GGNBP2: variants seen among roughly 807,000 people sequenced by gnomAD.
GGNBP2 encodes gametogenetin-binding protein 2.
In GGNBP2, 10 loss-of-function variants were observed where a neutral mutation model predicts 85.9. The ratio of observed to expected loss-of-function variants is 0.12; its 90% CI spans 0.07 to 0.20. GGNBP2 has a LOEUF of 0.20. Ranked by LOEUF, GGNBP2 falls within the 10% of genes least tolerant of loss-of-function variation. The pLI is 1.00. For missense variants in GGNBP2, 595 were observed against 857.8 expected (o/e 0.69, Z 3.83); for synonymous variants, 287 against 285.7 (o/e 1.00, Z -0.05).
chr17:36,552,643 G>A (rs1395919448), intron 2 of GGNBP2, among the ~76,000 whole-genome samples: 1 of 152,170 alleles, frequency 6.6e-6, no homozygotes, highest in Non-Finnish European at 1.5e-5. Flanking sequence ...AAGATGTCAG[G>A]GTTGATAAAC....
chr17:36,572,194 G>A (rs1356804116), intron 6 of GGNBP2, among the ~76,000 whole-genome samples: 9 of 152,078 alleles, frequency 5.9e-5, no homozygotes, highest in East Asian at 1.9e-4. Context: ...AAACTACTAT[G>A]AGAGTATAAA....
At chr17:36,548,259 T>G (rs1464497314) in intron 2 of GGNBP2, among the ~76,000 whole-genome samples, 2 of 152,210 alleles carry the variant, frequency 1.3e-5, no homozygotes, top group Non-Finnish European at 2.9e-5. Flanking sequence ...AACTTTACCC[T>G]TAGTTAAACT....
chr17:36,566,090 A>G (rs2074465591), intron 5 of GGNBP2, among the ~76,000 whole-genome samples: 1 of 152,174 alleles, frequency 6.6e-6, no homozygotes, highest in African/African-American at 2.4e-5. Flanking sequence ...ACATAGAGTA[A>G]GTTAAAAGTT....
At chr17:36,578,339 C>T in intron 7 of GGNBP2, 153 bp downstream of exon 7, 1 of 580,430 alleles carries the variant, frequency 1.7e-6, no homozygotes, top group Non-Finnish European at 2.9e-6. Context: ...TTAAAGTATG[C>T]ATTTCTTAAT....
At chr17:36,572,379 C>A (rs538824194) in intron 6 of GGNBP2, among the ~76,000 whole-genome samples, 48 of 152,154 alleles carry the variant, frequency 3.2e-4, no homozygotes, top group African/African-American at 1.1e-3. Context: ...TGTTCCTGCG[C>A]GCGTATGTGT....
intron 6 of GGNBP2, chr17:36,576,637 ATATATG>A (rs2074592906): frequency 1.6e-5 from 2 of 124,596 alleles, no homozygotes; most frequent in Non-Finnish European, 3.2e-5. Context: ...GTGTATATGT[ATATATG>A]TATATGTATA....
intron 2 of GGNBP2, among the ~76,000 whole-genome samples, chr17:36,550,831 A>G (rs1474631220): frequency 1.3e-5 from 2 of 152,362 alleles, no homozygotes; most frequent in South Asian, 2.1e-4. Context: ...TCCTTTAGGT[A>G]ACCTAGAATC....
intron 13 of GGNBP2, 116 bp from the exon 14 acceptor site, chr17:36,589,092 T>G (rs2074732752): frequency 1.4e-6 from 1 of 706,144 alleles, no homozygotes; most frequent in Non-Finnish European, 2.5e-6. Flanking sequence ...TTAAAGGCTT[T>G]ATGTGACTGA....
At chr17:36,589,095 G>A in intron 13 of GGNBP2, 113 bp from the exon 14 acceptor site, 1 of 711,738 alleles carries the variant, frequency 1.4e-6, no homozygotes, top group Admixed American at 2.2e-5. Flanking sequence ...AAGGCTTTAT[G>A]TGACTGATGT....
At chr17:36,568,091 A>G (rs750226724) in intron 6 of GGNBP2, among the ~76,000 whole-genome samples, 1 of 151,934 alleles carries the variant, frequency 6.6e-6, no homozygotes, top group Non-Finnish European at 1.5e-5. Flanking sequence ...ACACCCAGCT[A>G]ATTTTTGTAT....
At chr17:36,575,247 C>A (rs189417388) in intron 6 of GGNBP2, 2 of 623,278 alleles carry the variant, frequency 3.2e-6, no homozygotes, top group Admixed American at 2.3e-5. Flanking sequence ...ATGCCACTGC[C>A]GAAACCTCCA....
rs759267341 is a variant in GGNBP2 at position 36,554,856 on chromosome 17, G to T, written c.130G>T (p.Asp44Tyr). 2.5e-6 allele frequency: 4 copies of T among 1,610,598 alleles called. No homozygotes were observed. In the African/African-American group the frequency reaches 5.3e-5, roughly 22 times the overall value. ...ATTTCCTGATAATGTGTTAAATCTC[G>T]ATGGACATCAGAATAATGGTGCACA... ...MEFPDNVLNLDGHQNNGAQLK... is the reference protein window; with the variant it reads ...MEFPDNVLNLYGHQNNGAQLK... Residue 44 changes from aspartate (D) to tyrosine (Y), a missense_variant, in exon 3 of 14, where the codon GAT becomes TAT. Physicochemically the swap from Asp to Tyr is radical, Grantham distance 160. Coordinates refer to ENST00000613102, the MANE Select transcript of GGNBP2 (RefSeq NM_024835.5).
chr17:36,546,212 C>T lies in GGNBP2; in HGVS notation c.93+395C>T, dbSNP rs370560756. 8 of 374,956 alleles carry T rather than the reference C, an allele frequency of 2.1e-5. 1 individual carries two copies. The highest frequency in any genetic ancestry group is 6.2e-5 in the African/African-American group (3 of 48,420). 23.2% of individuals were successfully genotyped at this position (374,956 alleles called of 1,614,324 possible). On this transcript the variant is annotated intron_variant, in intron 2 of 13. Coordinates refer to ENST00000613102, the MANE Select transcript of GGNBP2 (RefSeq NM_024835.5). ...TAATTACCTGGTAATGTCGCAGCTG[C>T]ACTGCTACCTGTGTATTTTCTGTTT...
chr17:36,574,775 C>G (rs2074559767), intron 6 of GGNBP2: 1 of 644,178 alleles, frequency 1.6e-6, no homozygotes, highest in Non-Finnish European at 2.8e-6. Context: ...CAGCACAGAG[C>G]CGTGGTGGCC....
At chr17:36,549,034 G>C (rs367943272) in intron 2 of GGNBP2, among the ~76,000 whole-genome samples, 1 of 152,200 alleles carries the variant, frequency 6.6e-6, no homozygotes, top group African/African-American at 2.4e-5. Flanking sequence ...GAACACCTGA[G>C]TATAGGATAG....
At chr17:36,558,154 CTA>C (rs1287214792) in intron 4 of GGNBP2, among the ~76,000 whole-genome samples, 1 of 151,894 alleles carries the variant, frequency 6.6e-6, no homozygotes, top group East Asian at 2.0e-4. Context: ...TGGCTCACGC[CTA>C]TAATCCCAAC....
chr17:36,573,217 A>C (rs561411983), intron 6 of GGNBP2, among the ~76,000 whole-genome samples: 16 of 152,006 alleles, frequency 1.1e-4, no homozygotes, highest in Admixed American at 9.2e-4. Flanking sequence ...AGTTCAAGTG[A>C]TTCTCCTGCC....
chr17:36,584,911 AT>A (rs1466634278), intron 9 of GGNBP2, among the ~76,000 whole-genome samples: 1 of 151,202 alleles, frequency 6.6e-6, no homozygotes, highest in Non-Finnish European at 1.5e-5. Context: ...CCATGATTGT[AT>A]GACTGTACTC....
At chr17:36,554,974 T>G in intron 3 of GGNBP2, 74 bp downstream of exon 3, 1 of 884,286 alleles carries the variant, frequency 1.1e-6, no homozygotes, top group Non-Finnish European at 1.9e-6. Flanking sequence ...TTAGCTGTAT[T>G]AATTTTATAT....
Sources: gnomAD v4.1 joint callset for allele counts (sites outside exome capture counted in the v4.1 genomes callset) on GRCh38, gnomAD v4.1.1 for gene constraint, MANE v1.5 for transcripts, NCBI Gene and HGNC (gene_info 2026-07-23, HGNC 2026-07-21) for gene names.